Variants in SLC9A8 observed in about 807,000 individuals in gnomAD.
The protein encoded by SLC9A8 is solute carrier family 9 member A8, also known as sodium/hydrogen exchanger 8.
In SLC9A8, 48 loss-of-function variants were observed where a neutral mutation model predicts 66.6. The ratio of observed to expected loss-of-function variants is 0.72; its 90% CI spans 0.57 to 0.92. The LOEUF (loss-of-function observed/expected upper bound fraction) is 0.92, where lower values mean the gene tolerates loss of function less well. Among genes scored for constraint, SLC9A8 ranks in the 40% least tolerant of loss-of-function variants. The pLI, the probability that SLC9A8 is intolerant of heterozygous loss-of-function variation, is 0.00. For missense variants in SLC9A8, 599 were observed against 747.3 expected (o/e 0.80, Z 2.31); for synonymous variants, 274 against 282.6 (o/e 0.97, Z 0.31).
rs868533760 is a variant in SLC9A8 at position 49,822,361 on chromosome 20, A to G, written c.209-700A>G. Reference sequence around the variant, plus strand: ...CATTTATGTAAAAGTGATTGATTTCATTGACTTCCTCTTCACCATATAGTG... The same window carrying G: ...CATTTATGTAAAAGTGATTGATTTCGTTGACTTCCTCTTCACCATATAGTG... On this transcript the variant is annotated intron_variant, in intron 2 of 15. Transcript: ENST00000361573. Among the ~76,000 whole-genome samples, 5 of 152,374 alleles carry G rather than the reference A, an allele frequency of 3.3e-5. No individual in the cohort carries two copies. In the Middle Eastern group the frequency reaches 0.01, roughly 311 times the overall value.
chr20:49,890,201 A>G lies in SLC9A8; in HGVS notation c.*2265A>G, dbSNP rs1217657879. 4 of 152,216 alleles carry G rather than the reference A, an allele frequency of 2.6e-5. No homozygotes were observed. The highest frequency in any genetic ancestry group is 5.9e-5 in the Non-Finnish European group (4 of 68,050). 9.4% of individuals were successfully genotyped at this position (152,216 alleles called of 1,614,324 possible). On this transcript the variant is annotated 3_prime_UTR_variant, in exon 16 of 16. Transcript: ENST00000361573. ...TCAGCAGCCTGGGAGAGTGCCCCCA[A>G]GAGATGAGGGCACCCCGTGTTCCTT...
At chr20:49,820,214 C>T (rs1002047238) in intron 2 of SLC9A8, among the ~76,000 whole-genome samples, 1 of 152,066 alleles carries the variant, frequency 6.6e-6, no homozygotes, top group Non-Finnish European at 1.5e-5. Context: ...ATAGACTGGG[C>T]GTGGTGGCTC....
rs934501165 is a variant in SLC9A8, at chr20:49,829,562, G to A, written c.289+6421G>A. 1.6e-5 allele frequency: 5 copies of A among 310,524 alleles called. No homozygotes were observed. The East Asian group carries it at 2.7e-4, about 17-fold the overall frequency. 19.2% of individuals were successfully genotyped at this position (310,524 alleles called of 1,614,324 possible). A position where few individuals can be genotyped will look rare whatever the true frequency, so the allele number is the denominator to read the frequency against. On this transcript the variant is annotated intron_variant, in intron 3 of 15. Coordinates refer to ENST00000361573, the MANE Select transcript of SLC9A8 (RefSeq NM_015266.3). Reference sequence around the variant, plus strand: ...ACCTCATGGAAAGAAATGCTTCTTTGTGAAATTTTTTTGGAACATAAGATC... The same window carrying A: ...ACCTCATGGAAAGAAATGCTTCTTTATGAAATTTTTTTGGAACATAAGATC...
rs534549437 is a variant in SLC9A8 at position 49,887,086 on chromosome 20, C to T, written c.1638+188C>T. 9.3e-4 allele frequency among the ~76,000 whole-genome samples: 141 copies of T among 152,196 alleles called. 1 individual carries two copies. The highest frequency in any genetic ancestry group is 3.1e-3 in the Admixed American group (48 of 15,278). On this transcript the variant is annotated intron_variant, in intron 15 of 15. Transcript: ENST00000361573. ...AACTCGGCATCTGCTGTTTTTCCTT[C>T]GCTGCCACATTTAGTGCGAGGTTAA... is the stretch of plus-strand genomic sequence containing the variant.
At chr20:49,879,412 A>G (rs2089545722) in intron 12 of SLC9A8, among the ~76,000 whole-genome samples, 1 of 152,234 alleles carries the variant, frequency 6.6e-6, no homozygotes, top group Non-Finnish European at 1.5e-5. Flanking sequence ...TTCCTTGTCT[A>G]TAAACTGGAG....
chr20:49,857,832 AGTTTTTGCCCT>A (rs1281268205), intron 8 of SLC9A8, among the ~76,000 whole-genome samples: 6 of 152,256 alleles, frequency 3.9e-5, no homozygotes, highest in South Asian at 4.1e-4. Context: ...ACATTTGCCC[AGTTTTTGCCCT>A]GTTTTTGCCC....
intron 4 of SLC9A8, among the ~76,000 whole-genome samples, 179 bp downstream of exon 4, chr20:49,839,778 T>A (rs2087689301): frequency 6.6e-6 from 1 of 152,206 alleles, no homozygotes; most frequent in African/African-American, 2.4e-5. Flanking sequence ...TGCAAAAGCA[T>A]AAGTCTCATG....
chr20:49,876,302 A>G (rs1230114262), intron 11 of SLC9A8, among the ~76,000 whole-genome samples: 1 of 152,142 alleles, frequency 6.6e-6, no homozygotes, highest in East Asian at 1.9e-4. Context: ...CATAAAGCAA[A>G]TCGTCCATCC....
chr20:49,859,844 C>T (rs2088663862), intron 8 of SLC9A8, among the ~76,000 whole-genome samples: 1 of 152,180 alleles, frequency 6.6e-6, no homozygotes, highest in Non-Finnish European at 1.5e-5. Context: ...GCAATACTCC[C>T]TTTTATTCTT....
intron 8 of SLC9A8, among the ~76,000 whole-genome samples, chr20:49,861,557 G>A (rs1423492219): frequency 1.3e-5 from 2 of 151,998 alleles, no homozygotes; most frequent in African/African-American, 4.8e-5. Context: ...ACAAAAAGAG[G>A]GGGATCATCT....
intron 3 of SLC9A8, among the ~76,000 whole-genome samples, chr20:49,839,240 T>C (rs993485359): frequency 3.3e-5 from 5 of 152,188 alleles, no homozygotes; most frequent in African/African-American, 1.2e-4. Context: ...TGGGTGGATA[T>C]GGTAAAAATG....
chr20:49,830,437 A>G (rs2146507268), intron 3 of SLC9A8: 6 of 838,976 alleles, frequency 7.2e-6, no homozygotes, highest in Non-Finnish European at 8.3e-6. Flanking sequence ...AAGGCGGCCA[A>G]GGACCTGGTG....
intron 4 of SLC9A8, among the ~76,000 whole-genome samples, chr20:49,843,958 C>G (rs532238779): frequency 3.3e-5 from 5 of 152,094 alleles, no homozygotes; most frequent in African/African-American, 4.8e-5. Context: ...TCCCCGCCCC[C>G]CCTTTCTTCC....
chr20:49,829,805 A>ATGAGAAGTGCAAACAGCCTGTC, intron 3 of SLC9A8: 5 of 554,930 alleles, frequency 9.0e-6, no homozygotes, highest in Non-Finnish European at 1.8e-5. Flanking sequence ...AACTCAGGTG[A>ATGAGAAGTGCAAACAGCCTGTC]TGAGAAGTGC....
intron 3 of SLC9A8, chr20:49,829,125 A>G (rs2087054936): frequency 6.6e-6 from 1 of 151,446 alleles, no homozygotes; most frequent in African/African-American, 2.4e-5. Flanking sequence ...GGATAGTAAG[A>G]TGGGGGCTGT....
chr20:49,834,780 T>C (rs1008590113), intron 3 of SLC9A8, among the ~76,000 whole-genome samples: 1 of 152,130 alleles, frequency 6.6e-6, no homozygotes, highest in African/African-American at 2.4e-5. Context: ...CTGCTTCATG[T>C]GTGATTATAA....
chr20:49,876,830 C>A (rs1047820169), intron 11 of SLC9A8, among the ~76,000 whole-genome samples: 1 of 151,968 alleles, frequency 6.6e-6, no homozygotes, highest in Non-Finnish European at 1.5e-5. Flanking sequence ...TAAATGTGCT[C>A]ATTTGGAAAG....
chr20:49,877,289 G>C (rs1000306020), intron 11 of SLC9A8, among the ~76,000 whole-genome samples: 1 of 151,988 alleles, frequency 6.6e-6, no homozygotes, highest in African/African-American at 2.4e-5. Context: ...GTGAGACTCT[G>C]TCTCTAAAAA....
intron 3 of SLC9A8, chr20:49,830,439 G>A (rs2087127091): frequency 2.4e-6 from 2 of 837,288 alleles, no homozygotes; most frequent in South Asian, 2.7e-5. Flanking sequence ...GGCGGCCAAG[G>A]ACCTGGTGCT....
Sources: gnomAD v4.1 joint callset for allele counts (sites outside exome capture counted in the v4.1 genomes callset) on GRCh38, gnomAD v4.1.1 for gene constraint, MANE v1.5 for transcripts, NCBI Gene and HGNC (gene_info 2026-07-23, HGNC 2026-07-21) for gene names.